The following MAP4K5 variants were observed in gnomAD, a reference collection of about 807,000 sequenced individuals.
MAP4K5 encodes the protein mitogen-activated protein kinase kinase kinase kinase 5, also known as MAPK/ERK kinase kinase kinase 5.
In MAP4K5, 82 loss-of-function variants were observed where a neutral mutation model predicts 135.6. That is an observed-to-expected ratio of 0.60 (90% CI 0.51 to 0.73). MAP4K5 has a LOEUF of 0.73. Among genes scored for constraint, MAP4K5 ranks in the 30% least tolerant of loss-of-function variants. The pLI is 0.00. For synonymous variants in MAP4K5, 347 were observed against 335.0 expected, an observed-to-expected ratio of 1.04 and a Z score of -0.39; for missense variants, 907 against 1,010.9, an observed-to-expected ratio of 0.90 and a Z score of 1.39.
rs1322762431 is a variant in MAP4K5 at position 50,531,939 on chromosome 14, T to G, written c.108+3A>C. 9 of 1,587,812 alleles carry G rather than the reference T, an allele frequency of 5.7e-6. No homozygotes were observed. The highest frequency in any genetic ancestry group is 1.7e-5 in the Admixed American group (1 of 57,880). On this transcript the variant is annotated splice_donor_region_variant and intron_variant, in intron 2 of 32. Transcript: ENST00000682126. Reference sequence around the variant, plus strand: ...GGAAAAAAGCACGGCCAGCCTCACTTACCTTATAGACGTCCCCGTAGGTGC... The same window carrying G: ...GGAAAAAAGCACGGCCAGCCTCACTGACCTTATAGACGTCCCCGTAGGTGC...
rs147458510 is a variant in MAP4K5, at chr14:50,426,654, G to A, written c.2327-677C>T. Among the ~76,000 whole-genome samples the A allele has an allele frequency of 2.7e-3, 404 of 152,306 alleles. 1 individual carries two copies. Among genetic ancestry groups the A allele is most frequent in the African/African-American group, 9.3e-3 (387 of 41,556 alleles). ...CGGGAGAATTGCTTGAACCCCACAGGTGGAGGCTGCAGTGAGCCGAGATCA... is the reference window on the plus strand; with the variant it reads ...CGGGAGAATTGCTTGAACCCCACAGATGGAGGCTGCAGTGAGCCGAGATCA... On this transcript the variant is annotated intron_variant, in intron 30 of 32. Transcript: ENST00000682126.
intron 17 of MAP4K5, among the ~76,000 whole-genome samples, chr14:50,445,480 T>C (rs1332097377): frequency 6.6e-6 from 1 of 152,204 alleles, no homozygotes; most frequent in African/African-American, 2.4e-5. Flanking sequence ...TGTCAAATTG[T>C]AGTCATAAGA....
chr14:50,460,146 G>C (rs768119198), intron 13 of MAP4K5, among the ~76,000 whole-genome samples: 1 of 152,172 alleles, frequency 6.6e-6, no homozygotes, highest in East Asian at 1.9e-4. Context: ...CAGCTTAAAT[G>C]TCACTTCTAC....
At chr14:50,504,930 T>C in intron 2 of MAP4K5, 73 bp from the exon 3 acceptor site, 2 of 862,380 alleles carry the variant, frequency 2.3e-6, no homozygotes, top group Non-Finnish European at 3.5e-6. Context: ...CTTGGTACTA[T>C]GTTAATTGCT....
chr14:50,432,556 CAAAAAAAAAA>C (rs56267301), intron 28 of MAP4K5, among the ~76,000 whole-genome samples: 7 of 139,922 alleles, frequency 5.0e-5, no homozygotes, highest in African/African-American at 1.2e-4. Flanking sequence ...ACAAAACTCT[CAAAAAAAAAA>C]AAAAAAAAAA....
intron 14 of MAP4K5, chr14:50,450,322 T>A (rs943941453): frequency 6.6e-6 from 1 of 152,224 alleles, no homozygotes; most frequent in Non-Finnish European, 1.5e-5. Context: ...TATGTCTGCA[T>A]GTTTGTGTGT....
chr14:50,496,454 C>G (rs938065377), intron 3 of MAP4K5, among the ~76,000 whole-genome samples: 20 of 151,904 alleles, frequency 1.3e-4, no homozygotes, highest in Non-Finnish European at 2.5e-4. Flanking sequence ...TTCACTACAG[C>G]TGGATGTTTA....
intron 2 of MAP4K5, among the ~76,000 whole-genome samples, chr14:50,512,017 A>C (rs1485745542): frequency 6.6e-6 from 1 of 152,138 alleles, no homozygotes; most frequent in African/African-American, 2.4e-5. Flanking sequence ...TATACAACAC[A>C]AAATGTGAAT....
chr14:50,485,691 CT>C, intron 4 of MAP4K5, 49 bp from the exon 5 acceptor site: 1 of 1,131,880 alleles, frequency 8.8e-7, no homozygotes, highest in Non-Finnish European at 1.3e-6. Flanking sequence ...TTTTCAATCA[CT>C]GAAATACTCT....
chr14:50,496,060 C>T (rs2037584259), intron 3 of MAP4K5, among the ~76,000 whole-genome samples: 1 of 152,154 alleles, frequency 6.6e-6, no homozygotes, highest in Non-Finnish European at 1.5e-5. Context: ...CATGGTGGCT[C>T]ACATCTGTAA....
chr14:50,472,178 G>T (rs1473784846), intron 9 of MAP4K5: 1 of 144,938 alleles, frequency 6.9e-6, no homozygotes, highest in African/African-American at 2.5e-5. Flanking sequence ...AAAAAAAAAA[G>T]TGGTAAAGCC....
intron 32 of MAP4K5, among the ~76,000 whole-genome samples, chr14:50,420,363 G>A (rs117360995): frequency 0.013 from 1,947 of 152,164 alleles, 16 homozygotes; most frequent in South Asian, 0.022. Flanking sequence ...AGGTGTGGTG[G>A]CTCACACCTG....
upstream of MAP4K5, among the ~76,000 whole-genome samples, chr14:50,534,304 G>A (rs375743052): frequency 3.9e-5 from 6 of 152,136 alleles, no homozygotes; most frequent in East Asian, 5.8e-4. Flanking sequence ...AGGAAAATAC[G>A]AAACCAGAAC....
intron 3 of MAP4K5, among the ~76,000 whole-genome samples, chr14:50,500,642 A>G (rs2037687972): frequency 6.6e-6 from 1 of 152,108 alleles, no homozygotes; most frequent in Non-Finnish European, 1.5e-5. Flanking sequence ...TTCACTCCAG[A>G]GGCTTTCTGG....
intron 2 of MAP4K5, among the ~76,000 whole-genome samples, chr14:50,511,708 A>C (rs2037933420): frequency 1.3e-5 from 2 of 152,182 alleles, no homozygotes; most frequent in Admixed American, 1.3e-4. Flanking sequence ...TTTTAAATTA[A>C]ATTTAATAAT....
chr14:50,523,670 A>G (rs2038198762), intron 2 of MAP4K5, among the ~76,000 whole-genome samples: 1 of 151,890 alleles, frequency 6.6e-6, no homozygotes, highest in South Asian at 2.1e-4. Context: ...TATACCTTTA[A>G]TCTCCTTGTA....
At chr14:50,421,514 G>A (rs147914760) in intron 32 of MAP4K5, among the ~76,000 whole-genome samples, 11 of 151,792 alleles carry the variant, frequency 7.2e-5, no homozygotes, top group African/African-American at 2.7e-4. Context: ...CACCTGCGTC[G>A]GCCTCCTGAA....
chr14:50,456,442 T>C, intron 14 of MAP4K5, 74 bp downstream of exon 14: 1 of 1,112,920 alleles, frequency 9.0e-7, no homozygotes, highest in African/African-American at 1.6e-5. Context: ...AATTTTATTA[T>C]TCTACAAAAC....
At chr14:50,521,502 A>G (rs2038151477) in intron 2 of MAP4K5, among the ~76,000 whole-genome samples, 1 of 152,196 alleles carries the variant, frequency 6.6e-6, no homozygotes, top group African/African-American at 2.4e-5. Context: ...GGGTAACAGT[A>G]AGTTTCTTCT....
Sources: gnomAD v4.1 joint callset for allele counts (sites outside exome capture counted in the v4.1 genomes callset) on GRCh38, gnomAD v4.1.1 for gene constraint, MANE v1.5 for transcripts, NCBI Gene and HGNC (gene_info 2026-07-23, HGNC 2026-07-21) for gene names.